MARCHF1: variants seen among roughly 807,000 people sequenced by gnomAD.
The protein encoded by MARCHF1 is E3 ubiquitin-protein ligase MARCHF1.
A neutral mutation model predicts 54.2 loss-of-function variants in MARCHF1; 40 were observed. The observed-to-expected ratio is 0.74, with a 90% confidence interval of 0.57 to 0.96. MARCHF1 has a LOEUF of 0.96. Ranked by LOEUF, MARCHF1 falls within the 40% of genes least tolerant of loss-of-function variation. MARCHF1 has a pLI of 0.00. For synonymous variants in MARCHF1, 236 were observed against 236.3 expected (o/e 1.00, Z 0.01); for missense variants, 586 against 656.5 (o/e 0.89, Z 1.17).
At chr4:164,261,053 A>C (rs9308072) in intron 1 of MARCHF1, among the ~76,000 whole-genome samples, 143,372 of 152,046 alleles carry the variant, frequency 0.94, 67,641 homozygotes, top group African/African-American at 0.96. Context: ...GACATAGAGA[A>C]AGGCACACGG....
At chr4:163,766,486 A>G (rs1746980720) in intron 4 of MARCHF1, among the ~76,000 whole-genome samples, 1 of 152,216 alleles carries the variant, frequency 6.6e-6, no homozygotes, top group Admixed American at 6.5e-5. Context: ...CTTTATTCAA[A>G]TATACAGCCT....
At chr4:163,805,381 C>A (rs1036883210) in intron 4 of MARCHF1, among the ~76,000 whole-genome samples, 24 of 140,996 alleles carry the variant, frequency 1.7e-4, no homozygotes, top group Middle Eastern at 3.9e-3. Context: ...AAAAAAAAAA[C>A]ATTCAACAAG....
At chr4:164,022,102 A>G (rs1175288801) in intron 2 of MARCHF1, among the ~76,000 whole-genome samples, 4 of 152,096 alleles carry the variant, frequency 2.6e-5, no homozygotes, top group Non-Finnish European at 2.9e-5. Context: ...TACAAGTACA[A>G]TATATTGTCA....
intron 4 of MARCHF1, among the ~76,000 whole-genome samples, chr4:163,825,901 C>T (rs558337084): frequency 6.6e-6 from 1 of 151,920 alleles, no homozygotes; most frequent in Non-Finnish European, 1.5e-5. Flanking sequence ...TTATTCATGG[C>T]TATCCAGATA....
chr4:164,289,146 T>A (rs1734223165), intron 1 of MARCHF1, among the ~76,000 whole-genome samples: 2 of 152,064 alleles, frequency 1.3e-5, no homozygotes, highest in Admixed American at 1.3e-4. Context: ...ACCATATATA[T>A]TTTCTGGCTG....
rs186826716 is a variant in MARCHF1, at chr4:163,597,883, T to G, written c.1011-11954A>C. 1.7e-3 allele frequency among the ~76,000 whole-genome samples: 259 copies of G among 152,272 alleles called. 1 individual carries two copies. The highest frequency in any genetic ancestry group is 5.9e-3 in the African/African-American group (247 of 41,562). The stretch of plus-strand genomic sequence containing the variant: ...AGACTTCTACATACTGTCCTTCATA[T>G]TTTTACAGAAATATAAACTTGCAGG... On this transcript the variant is annotated intron_variant, in intron 7 of 9. Transcript: ENST00000514618.
At chr4:163,813,495 T>C (rs1748450715) in intron 4 of MARCHF1, among the ~76,000 whole-genome samples, 1 of 152,170 alleles carries the variant, frequency 6.6e-6, no homozygotes, top group Admixed American at 6.5e-5. Flanking sequence ...TATTAGAATA[T>C]TACACACATC....
chr4:163,908,272 C>A (rs1403566915), intron 3 of MARCHF1, among the ~76,000 whole-genome samples: 1 of 151,996 alleles, frequency 6.6e-6, no homozygotes, highest in Non-Finnish European at 1.5e-5. Context: ...TTTCAGTCAA[C>A]AATATTAATC....
At chr4:164,182,413 G>T (rs950050676) in intron 1 of MARCHF1, among the ~76,000 whole-genome samples, 1 of 151,900 alleles carries the variant, frequency 6.6e-6, no homozygotes, top group Non-Finnish European at 1.5e-5. Flanking sequence ...TCTAAGGTAG[G>T]TATATAGGTA....
At chr4:164,362,396 A>C (rs1561019279) in intron 1 of MARCHF1, among the ~76,000 whole-genome samples, 3 of 152,128 alleles carry the variant, frequency 2.0e-5, no homozygotes. Context: ...TATTAGTGAA[A>C]ATGTCTGGGA....
intron 1 of MARCHF1, among the ~76,000 whole-genome samples, chr4:164,344,228 TGG>T (rs1252071605): frequency 6.6e-6 from 1 of 151,826 alleles, no homozygotes; most frequent in Non-Finnish European, 1.5e-5. Context: ...TACTTGAGGG[TGG>T]AGGGAAGGAG....
intron 1 of MARCHF1, among the ~76,000 whole-genome samples, chr4:164,145,288 T>C (rs951328302): frequency 5.9e-5 from 9 of 152,146 alleles, no homozygotes; most frequent in African/African-American, 7.2e-5. Flanking sequence ...TTCCAATCAA[T>C]AGAAAAAGAG....
At chr4:163,923,971 A>G (rs1248851097) in intron 3 of MARCHF1, among the ~76,000 whole-genome samples, 2 of 152,076 alleles carry the variant, frequency 1.3e-5, no homozygotes, top group East Asian at 1.9e-4. Flanking sequence ...CTACCATTGT[A>G]TCATGACTAT....
intron 3 of MARCHF1, among the ~76,000 whole-genome samples, chr4:163,946,927 C>T (rs1466910183): frequency 6.6e-6 from 1 of 152,122 alleles, no homozygotes; most frequent in Non-Finnish European, 1.5e-5. Context: ...CTATCAAATT[C>T]TATAAAGACA....
At chr4:164,346,445 A>G (rs1281053612) in intron 1 of MARCHF1, among the ~76,000 whole-genome samples, 1 of 151,930 alleles carries the variant, frequency 6.6e-6, no homozygotes, top group East Asian at 1.9e-4. Flanking sequence ...AGTTGCACTG[A>G]TTGCATATAC....
intron 4 of MARCHF1, among the ~76,000 whole-genome samples, chr4:163,847,858 G>T (rs1749531304): frequency 6.6e-6 from 1 of 152,138 alleles, no homozygotes; most frequent in Admixed American, 6.5e-5. Context: ...TGGGATTACA[G>T]GCATGAGCCA....
intron 4 of MARCHF1, among the ~76,000 whole-genome samples, chr4:163,846,493 G>C (rs1358613194): frequency 6.6e-6 from 1 of 152,140 alleles, no homozygotes; most frequent in African/African-American, 2.4e-5. Context: ...ACTCGGAAGA[G>C]AGTGAGGAGG....
chr4:163,564,353 T>C (rs546786508), intron 8 of MARCHF1, among the ~76,000 whole-genome samples: 21 of 152,210 alleles, frequency 1.4e-4, no homozygotes, highest in Non-Finnish European at 2.8e-4. Flanking sequence ...ATTTGCACTA[T>C]TTTATATGGA....
chr4:163,533,720 G>C (rs1161168725), intron 9 of MARCHF1, among the ~76,000 whole-genome samples: 2 of 148,484 alleles, frequency 1.3e-5, no homozygotes, highest in African/African-American at 5.0e-5. Flanking sequence ...CTCCTTACTT[G>C]AGAGATTAGT....
Sources: gnomAD v4.1 joint callset for allele counts (sites outside exome capture counted in the v4.1 genomes callset) on GRCh38, gnomAD v4.1.1 for gene constraint, MANE v1.5 for transcripts, NCBI Gene and HGNC (gene_info 2026-07-23, HGNC 2026-07-21) for gene names.